The following C1QTNF3 variants were observed in gnomAD, a reference collection of about 807,000 sequenced individuals.
C1QTNF3 encodes the protein complement C1q tumor necrosis factor-related protein 3.
A neutral mutation model predicts 32.6 loss-of-function variants in C1QTNF3; 26 were observed. The observed-to-expected ratio is 0.80, with a 90% confidence interval of 0.58 to 1.11. C1QTNF3 has a LOEUF of 1.11. C1QTNF3 is among the 50% of genes least tolerant of loss of function. C1QTNF3 has a pLI of 0.00. For synonymous variants in C1QTNF3, 155 were observed against 146.0 expected, an observed-to-expected ratio of 1.06 and a Z score of -0.44; for missense variants, 362 against 398.2, an observed-to-expected ratio of 0.91 and a Z score of 0.77.
the C1QTNF3 span, chr5:34,168,505 G>A: frequency 9.9e-5 from 15 of 151,764 alleles, no homozygotes; most frequent in African/African-American, 3.4e-4. Flanking sequence ...AATAAAAAAG[G>A]TTAGGTAAAA....
At chr5:34,045,046 G>A (rs1449429834), upstream of C1QTNF3, among the ~76,000 whole-genome samples, 1 of 152,132 alleles carries the variant, frequency 6.6e-6, no homozygotes. Flanking sequence ...TCTCAGTGGG[G>A]GTGTTCCCTC....
the C1QTNF3 span, among the ~76,000 whole-genome samples, chr5:34,070,017 T>C: frequency 6.6e-6 from 1 of 152,176 alleles, no homozygotes; most frequent in African/African-American, 2.4e-5. Context: ...TGTCAAAGGA[T>C]GAAATGAGAT....
At chr5:34,053,413 C>T in the C1QTNF3 span, among the ~76,000 whole-genome samples, 30 of 152,322 alleles carry the variant, frequency 2.0e-4, no homozygotes, top group East Asian at 1.9e-4. Context: ...TCCACCGAAC[C>T]ATGTCCCATT....
the C1QTNF3 span, among the ~76,000 whole-genome samples, chr5:34,138,745 CT>C: frequency 1.3e-5 from 2 of 151,990 alleles, no homozygotes; most frequent in South Asian, 4.1e-4. Context: ...TATAGAGTGC[CT>C]TTTGTATTGA....
the C1QTNF3 span, among the ~76,000 whole-genome samples, chr5:34,156,696 T>C: frequency 2.0e-5 from 3 of 152,312 alleles, 1 homozygote; most frequent in African/African-American, 7.2e-5. Context: ...CTAGATATTA[T>C]ATGTTGTGGG....
intron 4 of C1QTNF3, among the ~76,000 whole-genome samples, chr5:34,025,018 G>C (rs1403968732): frequency 6.6e-6 from 1 of 152,184 alleles, no homozygotes; most frequent in Non-Finnish European, 1.5e-5. Flanking sequence ...AGTTGTAAGG[G>C]TGCCATGTCA....
the C1QTNF3 span, among the ~76,000 whole-genome samples, chr5:34,068,005 T>C: frequency 1.3e-5 from 2 of 152,162 alleles, no homozygotes; most frequent in African/African-American, 2.4e-5. Flanking sequence ...ATTTTTTCCT[T>C]TTTTTAATGA....
the C1QTNF3 span, among the ~76,000 whole-genome samples, chr5:34,213,720 A>ATATATATG: frequency 1.9e-5 from 1 of 51,438 alleles, no homozygotes; most frequent in Non-Finnish European, 3.1e-5. Flanking sequence ...ATATATATGT[A>ATATATATG]TATATATACA....
the C1QTNF3 span, among the ~76,000 whole-genome samples, chr5:34,078,336 C>CT: frequency 6.6e-6 from 1 of 151,766 alleles, no homozygotes; most frequent in African/African-American, 2.4e-5. This position sits in a 1 kb window ranked among gnomAD's most constrained non-coding sequence, Gnocchi z 4.0. Flanking sequence ...TGTAAAGACA[C>CT]TGAGACTGGG....
the C1QTNF3 span, among the ~76,000 whole-genome samples, chr5:34,132,844 C>A: frequency 4.5e-4 from 69 of 152,258 alleles, no homozygotes; most frequent in East Asian, 0.011. Flanking sequence ...TCTGGAATAT[C>A]TAAGGTCCTT....
chr5:34,031,096 AAAAAG>A (rs369760344), intron 3 of C1QTNF3, among the ~76,000 whole-genome samples: 9 of 152,216 alleles, frequency 5.9e-5, no homozygotes, highest in East Asian at 5.8e-4. Flanking sequence ...AAAGTTAAAA[AAAAAG>A]AAAAGAAAAG....
At chr5:34,038,126 TTTTG>T (rs1482029532) in intron 1 of C1QTNF3, among the ~76,000 whole-genome samples, 4 of 152,192 alleles carry the variant, frequency 2.6e-5, no homozygotes, top group East Asian at 1.9e-4. Flanking sequence ...AGACATCTTT[TTTTG>T]TTTGTTTTGT....
chr5:34,210,744 TTA>T, the C1QTNF3 span, among the ~76,000 whole-genome samples: 1 of 152,094 alleles, frequency 6.6e-6, no homozygotes, highest in Non-Finnish European at 1.5e-5. Flanking sequence ...CATAGAGTTT[TTA>T]TGATTCCTTT....
chr5:34,091,853 GT>G, the C1QTNF3 span, among the ~76,000 whole-genome samples: 8 of 151,822 alleles, frequency 5.3e-5, no homozygotes, highest in South Asian at 1.7e-3. Context: ...TTTTTTATAT[GT>G]CAATGAAATT....
the C1QTNF3 span, among the ~76,000 whole-genome samples, chr5:34,078,320 C>T: frequency 6.6e-6 from 1 of 151,726 alleles, no homozygotes. This position sits in a 1 kb window ranked among gnomAD's most constrained non-coding sequence, Gnocchi z 4.0. Context: ...TAAATTTTCC[C>T]ACTGCTGTAA....
the C1QTNF3 span, among the ~76,000 whole-genome samples, chr5:34,112,564 G>C: frequency 1.3e-5 from 2 of 151,838 alleles, no homozygotes; most frequent in Admixed American, 6.6e-5. Context: ...AGCTACTTGG[G>C]AAGCTGAGGT....
At chr5:34,168,668 T>C in the C1QTNF3 span, 1 of 152,026 alleles carries the variant, frequency 6.6e-6, no homozygotes, top group Non-Finnish European at 1.5e-5. Flanking sequence ...TTTTGGACTA[T>C]AGGTAGTGAT....
the C1QTNF3 span, among the ~76,000 whole-genome samples, chr5:34,078,115 C>A: frequency 6.6e-6 from 1 of 151,488 alleles, no homozygotes; most frequent in Non-Finnish European, 1.5e-5. This position sits in a 1 kb window ranked among gnomAD's most constrained non-coding sequence, Gnocchi z 4.0. Context: ...TGCCTGCTTA[C>A]CCAATGTGCC....
At chr5:34,036,322 A>G (rs1437633875) in intron 1 of C1QTNF3, among the ~76,000 whole-genome samples, 1 of 152,228 alleles carries the variant, frequency 6.6e-6, no homozygotes, top group Non-Finnish European at 1.5e-5. Flanking sequence ...AAACGAAGGA[A>G]ATAAAGTATT....
Sources: allele counts gnomAD v4.1 joint callset (sites outside exome capture counted in the v4.1 genomes callset), GRCh38; gene constraint gnomAD v4.1.1; non-coding constraint Gnocchi (gnomAD v3.1); transcripts MANE v1.5; gene names NCBI Gene and HGNC (gene_info 2026-07-23, HGNC 2026-07-21).